TMEM232: variants seen among roughly 807,000 people sequenced by gnomAD.
TMEM232 encodes the protein transmembrane protein 232.
TMEM232 carries 80 observed loss-of-function variants against 78.8 expected under a neutral mutation model. The observed-to-expected ratio is 1.01, with a 90% CI of 0.85 to 1.22. The LOEUF (loss-of-function observed/expected upper bound fraction) is 1.22. Among genes scored for constraint, TMEM232 ranks in the 50% most tolerant of loss-of-function variants. The pLI is 0.00. For missense variants in TMEM232, 881 were observed against 742.2 expected, an observed-to-expected ratio of 1.19 and a Z score of -2.17; for synonymous variants, 297 against 254.3, an observed-to-expected ratio of 1.17 and a Z score of -1.60.
intron 8 of TMEM232, 106 bp downstream of exon 8, chr5:110,618,323 T>G (rs1253116805): frequency 3.3e-5 from 46 of 1,385,432 alleles, no homozygotes; most frequent in Non-Finnish European, 4.5e-5. Flanking sequence ...TAAATTTGTT[T>G]CATAGTCAAC....
intron 11 of TMEM232, among the ~76,000 whole-genome samples, chr5:110,532,418 C>G (rs373209846): frequency 1.3e-5 from 2 of 150,834 alleles, no homozygotes; most frequent in East Asian, 1.9e-4. Flanking sequence ...TTAATCAATA[C>G]GGAGGCTACC....
chr5:110,689,972 T>C (rs1482699338), intron 1 of TMEM232, among the ~76,000 whole-genome samples: 2 of 152,104 alleles, frequency 1.3e-5, no homozygotes, highest in Non-Finnish European at 1.5e-5. Context: ...TTACACCTTA[T>C]ACAAAAATTA....
chr5:110,555,989 AT>A (rs1407643484), intron 11 of TMEM232, among the ~76,000 whole-genome samples: 1 of 152,078 alleles, frequency 6.6e-6, no homozygotes, highest in Non-Finnish European at 1.5e-5. Flanking sequence ...TAAATTCAAG[AT>A]TAATATTGAT....
intron 12 of TMEM232, among the ~76,000 whole-genome samples, chr5:110,435,228 C>G (rs1758289190): frequency 6.6e-6 from 1 of 151,804 alleles, no homozygotes; most frequent in African/African-American, 2.4e-5. Flanking sequence ...TCAGGAAAGT[C>G]TCAGGATATA....
At chr5:110,709,769 T>C (rs942337609) in intron 1 of TMEM232, among the ~76,000 whole-genome samples, 1 of 151,970 alleles carries the variant, frequency 6.6e-6, no homozygotes, top group Non-Finnish European at 1.5e-5. Flanking sequence ...TATAAATGGC[T>C]ACATCAAAAA....
intron 12 of TMEM232, among the ~76,000 whole-genome samples, chr5:110,455,217 C>T (rs1349320110): frequency 1.3e-5 from 2 of 152,076 alleles, no homozygotes; most frequent in African/African-American, 4.8e-5. Flanking sequence ...AATTCTTCCA[C>T]ACTTTTAAGA....
chr5:110,405,698 T>A (rs182818840), intron 2 of TMEM232, among the ~76,000 whole-genome samples: 222 of 138,482 alleles, frequency 1.6e-3, no homozygotes, highest in African/African-American at 5.8e-3. Context: ...CAAAGATGGA[T>A]CAATATAAAA....
Position 110,606,265 on chromosome 5 carries a change from G to A in TMEM232, c.925C>T (p.Leu309=). The A allele has an allele frequency of 1.9e-6, 3 of 1,542,590 alleles. No individual in the cohort carries two copies. The highest frequency in any genetic ancestry group is 2.6e-6 in the Non-Finnish European group (3 of 1,140,732). The change falls in exon 9 of 14, where the codon CTG becomes TTG. Residue 309 remains leucine (L), a synonymous_variant. Coordinates refer to ENST00000455884, the MANE Select transcript of TMEM232 (RefSeq NM_001039763.4). ...KCWLDSVLAL[L]VLGEAAKLNM... The stretch of plus-strand genomic sequence containing the variant: ...AATTTGGCAGCCTCCCCAAGGACCA[G>A]TAAAGCCAGTACTGAATCCAACCTG...
At chr5:110,701,267 A>T (rs893729025) in intron 1 of TMEM232, among the ~76,000 whole-genome samples, 6 of 151,996 alleles carry the variant, frequency 3.9e-5, no homozygotes, top group Non-Finnish European at 7.4e-5. Flanking sequence ...GGTTCCAATC[A>T]TCTACTGAAA....
At chr5:110,418,222 G>A (rs1756336253), downstream of TMEM232, 1 of 152,040 alleles carries the variant, frequency 6.6e-6, no homozygotes, top group African/African-American at 2.4e-5. Context: ...CTGTTAAAAT[G>A]ACTGACAGGT....
chr5:110,684,930 C>T (rs1793206595), intron 1 of TMEM232: 1 of 152,026 alleles, frequency 6.6e-6, no homozygotes, highest in East Asian at 1.9e-4. Context: ...AGGAGGCCAA[C>T]AATTTCTAAA....
chr5:110,422,528 A>C (rs1430321734), intron 13 of TMEM232, among the ~76,000 whole-genome samples: 1 of 142,490 alleles, frequency 7.0e-6, no homozygotes, highest in African/African-American at 2.5e-5. Context: ...TCAAAAAAAA[A>C]AAAAAAAAAA....
intron 10 of TMEM232, among the ~76,000 whole-genome samples, chr5:110,575,735 A>G (rs920617618): frequency 1.2e-4 from 18 of 152,022 alleles, no homozygotes; most frequent in Admixed American, 6.6e-5. Flanking sequence ...CACTCAGAGA[A>G]GCAGTGAGTG....
intron 1 of TMEM232, among the ~76,000 whole-genome samples, chr5:110,719,480 T>C (rs1486567295): frequency 6.6e-6 from 1 of 152,026 alleles, no homozygotes; most frequent in Non-Finnish European, 1.5e-5. Flanking sequence ...TCCAGGCAGT[T>C]TTTGCAGCTT....
At chr5:110,487,259 G>C (rs1037599717) in intron 12 of TMEM232, among the ~76,000 whole-genome samples, 1 of 151,874 alleles carries the variant, frequency 6.6e-6, no homozygotes, top group Non-Finnish European at 1.5e-5. Flanking sequence ...TCAGCAAACA[G>C]TGACAGTTTG....
chr5:110,649,417 T>C (rs1277446231), intron 2 of TMEM232, among the ~76,000 whole-genome samples: 1 of 152,152 alleles, frequency 6.6e-6, no homozygotes, highest in Non-Finnish European at 1.5e-5. Context: ...GTTCATATAG[T>C]CTTCTGTATG....
chr5:110,445,872 TTAAAGTCCC>T (rs1249266036), intron 12 of TMEM232, among the ~76,000 whole-genome samples: 2 of 152,134 alleles, frequency 1.3e-5, no homozygotes, highest in Non-Finnish European at 2.9e-5. Context: ...AATGAGAAAG[TTAAAGTCCC>T]TAAGAGAGAA....
At chr5:110,539,710 C>T (rs7735654) in intron 11 of TMEM232, among the ~76,000 whole-genome samples, 6,820 of 152,234 alleles carry the variant, frequency 0.045, 548 homozygotes, top group African/African-American at 0.16. Flanking sequence ...ACATGGATGA[C>T]CTTCTTGTGC....
At chr5:110,589,787 T>C (rs1000123314) in intron 10 of TMEM232, among the ~76,000 whole-genome samples, 4 of 152,092 alleles carry the variant, frequency 2.6e-5, no homozygotes, top group Admixed American at 6.6e-5. Context: ...AAGTTAATTA[T>C]TAATATCCTT....
Sources: allele counts gnomAD v4.1 joint callset (sites outside exome capture counted in the v4.1 genomes callset), GRCh38; gene constraint gnomAD v4.1.1; transcripts MANE v1.5; gene names NCBI Gene and HGNC (gene_info 2026-07-23, HGNC 2026-07-21).